The following NPAS4 variants were observed in gnomAD, a reference collection of about 807,000 sequenced individuals.
NPAS4 encodes the protein neuronal PAS domain-containing protein 4.
In NPAS4, 10 loss-of-function variants were observed where a neutral mutation model predicts 64.0. The ratio of observed to expected loss-of-function variants is 0.16; its 90% CI spans 0.10 to 0.26. The LOEUF is 0.26. Ranked by LOEUF, NPAS4 falls within the 10% of genes least tolerant of loss-of-function variation. The pLI, the probability that NPAS4 is intolerant of heterozygous loss-of-function variation, is 1.00. For missense variants in NPAS4, 886 were observed against 992.6 expected, an observed-to-expected ratio of 0.89 and a Z score of 1.44; for synonymous variants, 441 against 411.7, an observed-to-expected ratio of 1.07 and a Z score of -0.86.
rs1465581894 is a variant in NPAS4 at position 66,424,674 on chromosome 11, G to A, written c.1784G>A (p.Arg595Gln). The A allele has an allele frequency of 1.6e-5, 26 of 1,613,254 alleles. No individual in the cohort carries two copies. The highest frequency in any genetic ancestry group is 1.8e-5 in the Non-Finnish European group (21 of 1,179,494). ...ACGCTCTTGGCCCTAGCCCAGCTCC[G>A]GGGCCCCCTCTCTGTGGATGTCCCC... ...DCTLLALAQL[R>Q]GPLSVDVPLV... is the part of the protein sequence containing the mutation. The change falls in exon 7 of 8, where the codon CGG becomes CAG. Residue 595 changes from arginine to glutamine, a missense_variant. By Grantham distance (43) the Arg-to-Gln change is conservative (BLOSUM62 1). Transcript: ENST00000311034.
Position 66,424,451 on chromosome 11 carries a change from G to C in NPAS4, c.1561G>C (p.Glu521Gln). ...GCTTCCCAGCACAGCCACCTTCCCA[G>C]AGCCTCTGGGCAGCCCTGCCCATGA... ...QLLPSTATFPEPLGSPAHEQL... is the reference protein window; with the variant it reads ...QLLPSTATFPQPLGSPAHEQL... The change falls in exon 7 of 8, where the codon GAG (glutamate) becomes CAG (glutamine). Residue 521 changes from glutamate to glutamine, a missense_variant. This residue lies in a region of NPAS4 where 820 missense variants were observed against 855.5 expected (regional missense o/e 0.96). Transcript: ENST00000311034. 1.2e-6 allele frequency: 2 copies of C among 1,613,994 alleles called. No individual in the cohort carries two copies. Among genetic ancestry groups the C allele is most frequent in the Non-Finnish European group, 1.7e-6 (2 of 1,179,990 alleles).
intron 7 of NPAS4, among the ~76,000 whole-genome samples, chr11:66,425,689 G>T (rs992018825): frequency 4.6e-5 from 7 of 152,186 alleles, no homozygotes; most frequent in African/African-American, 1.7e-4. Flanking sequence ...TACAGAGCAA[G>T]AATTTATGCA....
At chr11:66,420,310 C>T (rs1355845578), upstream of NPAS4, among the ~76,000 whole-genome samples, 1 of 152,264 alleles carries the variant, frequency 6.6e-6, no homozygotes, top group Non-Finnish European at 1.5e-5. Flanking sequence ...AAAACAGGAT[C>T]AACGCCAAAT....
At chr11:66,418,101 A>C (rs1032616629), upstream of NPAS4, among the ~76,000 whole-genome samples, 1 of 152,186 alleles carries the variant, frequency 6.6e-6, no homozygotes, top group Admixed American at 6.5e-5. Context: ...CTTGCCCAGT[A>C]GGTTTGGCTG....
Position 66,424,332 on chromosome 11 carries a change from T to G in NPAS4, c.1442T>G (p.Leu481Arg). The G allele has an allele frequency of 6.2e-7, 1 of 1,614,140 alleles. No individual in the cohort carries two copies. Among genetic ancestry groups the G allele is most frequent in the Non-Finnish European group, 8.5e-7 (1 of 1,180,010 alleles). The change falls in exon 7 of 8, where the codon CTA (leucine) becomes CGA (arginine). Residue 481 changes from leucine (L) to arginine (R), a missense_variant. Leu to Arg is a moderately radical substitution (Grantham distance 102). This residue lies in a region of NPAS4 where 820 missense variants were observed against 855.5 expected (regional missense o/e 0.96). Transcript: ENST00000311034. ...AGCAGTGCAACCTTCCCAGATCCAC[T>G]AACTAGCCCACTGCAAGGCCAGTTG... Reference protein sequence around the residue: ...TPSSATFPDPLTSPLQGQLTE... With the variant: ...TPSSATFPDPRTSPLQGQLTE...
chr11:66,422,142 G>A lies in NPAS4; in HGVS notation c.198G>A (p.Thr66=), dbSNP rs751540734. 1.9e-6 allele frequency: 3 copies of A among 1,613,912 alleles called. No homozygotes were observed. The highest frequency in any genetic ancestry group is 1.7e-5 in the Admixed American group (1 of 60,018). The change falls in exon 2 of 8, where the codon ACG becomes ACA. Residue 66 remains threonine, a synonymous_variant. Coordinates refer to ENST00000311034, the MANE Select transcript of NPAS4 (RefSeq NM_178864.4). ...CAGGCACTCCTCTGGCGGGCCCCAC[G>A]GGGCTTCTCTCAGCTCAAGAGCTTG... ...FAGGTPLAGP[T]GLLSAQELED...
chr11:66,422,101 A>T lies in NPAS4; in HGVS notation c.176-19A>T. 1.2e-6 allele frequency: 2 copies of T among 1,611,544 alleles called. No homozygotes were observed. The highest frequency in any genetic ancestry group is 1.7e-6 in the Non-Finnish European group (2 of 1,178,940). ...CTCCCAGTCTTACTCCTGACGCACT[A>T]CGTCTTCTCGCCCTACAGGCACTCC... On this transcript the variant is annotated intron_variant, in intron 1 of 7. Transcript: ENST00000311034.
At chr11:66,423,288 A>T in intron 5 of NPAS4, 56 bp downstream of exon 5, 1 of 1,180,062 alleles carries the variant, frequency 8.5e-7, no homozygotes, top group Non-Finnish European at 1.2e-6. Flanking sequence ...GGCATGGGAG[A>T]CCAGACAAAG....
chr11:66,415,918 T>C, the NPAS4 span, among the ~76,000 whole-genome samples: 6 of 151,996 alleles, frequency 3.9e-5, no homozygotes, highest in South Asian at 1.2e-3. Context: ...AGGTCAGGAG[T>C]TCAAGACCAG....
chr11:66,414,259 C>T, the NPAS4 span, among the ~76,000 whole-genome samples: 2 of 152,176 alleles, frequency 1.3e-5, no homozygotes, highest in East Asian at 3.9e-4. Context: ...CCTCCTCCAG[C>T]CTCCCCAGGG....
chr11:66,422,439 TC>T lies in NPAS4; in HGVS notation c.328-10del, dbSNP rs1856759165. ...TCTCCCTAATGGTCATCTCTTCTTT[TC>T]CTCCCTCCAGGTGGACCTGGTTGCC... On this transcript the variant is annotated splice_polypyrimidine_tract_variant and intron_variant, in intron 2 of 7. Coordinates refer to ENST00000311034, the MANE Select transcript of NPAS4 (RefSeq NM_178864.4). 6.3e-7 allele frequency: 1 copy of T among 1,598,688 alleles called. No individual in the cohort carries two copies. The highest frequency in any genetic ancestry group is 1.3e-5 in the African/African-American group (1 of 74,586).
At chr11:66,418,089 C>T (rs530629701), upstream of NPAS4, among the ~76,000 whole-genome samples, 224 of 152,300 alleles carry the variant, frequency 1.5e-3, no homozygotes, top group Non-Finnish European at 2.6e-3. Flanking sequence ...GGATGCTGCA[C>T]GCTTGCCCAG....
chr11:66,414,554 T>G, the NPAS4 span, among the ~76,000 whole-genome samples: 1 of 152,318 alleles, frequency 6.6e-6, no homozygotes, highest in East Asian at 1.9e-4. Flanking sequence ...GGTGCCAGCC[T>G]GCACCCTCTT....
In NPAS4 at chr11:66,422,490, A is replaced by G. The variant is rs1321426946; in HGVS notation, c.367A>G (p.Ile123Val). 5.0e-6 allele frequency: 8 copies of G among 1,614,054 alleles called. No homozygotes were observed. The highest frequency in any genetic ancestry group is 2.2e-5 in the East Asian group (1 of 44,862). ...VAQGDSIYDI[I>V]DPADHLTVRQ... ...CCAGGGTGACAGCATCTACGACATC[A>G]TTGACCCAGCTGACCACCTCACTGT... The change falls in exon 3 of 8, where the codon ATT becomes GTT. Residue 123 changes from isoleucine (I) to valine (V), a missense_variant. This residue lies in a region of NPAS4 where 820 missense variants were observed against 855.5 expected (regional missense o/e 0.96). Coordinates refer to ENST00000311034, the MANE Select transcript of NPAS4 (RefSeq NM_178864.4).
rs1295375355 is a variant in NPAS4 at position 66,423,125 on chromosome 11, T to C, written c.701T>C (p.Val234Ala). Residue 234 changes from valine to alanine, a missense_variant and splice_region_variant, in exon 5 of 8, where the codon GTC (valine) becomes GCC (alanine). Val to Ala is a moderately conservative substitution (Grantham distance 64). Transcript: ENST00000311034. ...DLALLDISESVLIYLGFERSE... is the reference protein window; with the variant it reads ...DLALLDISESALIYLGFERSE... Reference sequence around the variant, plus strand: ...CCTCACCCTTTCCACCTTCCCAGTGTCCTAATCTACCTGGGCTTTGAGCGC... The same window carrying C: ...CCTCACCCTTTCCACCTTCCCAGTGCCCTAATCTACCTGGGCTTTGAGCGC... The C allele has an allele frequency of 6.2e-7, 1 of 1,601,098 alleles. No individual in the cohort carries two copies. Among genetic ancestry groups the C allele is most frequent in the African/African-American group, 1.3e-5 (1 of 74,732 alleles).
chr11:66,412,031 G>A, the NPAS4 span, among the ~76,000 whole-genome samples: 5 of 152,218 alleles, frequency 3.3e-5, no homozygotes, highest in Non-Finnish European at 7.3e-5. Flanking sequence ...GTTACGAGCT[G>A]TGCCCTGATA....
At chr11:66,412,495 C>T in the NPAS4 span, among the ~76,000 whole-genome samples, 6 of 152,262 alleles carry the variant, frequency 3.9e-5, no homozygotes, top group Non-Finnish European at 1.5e-5. Context: ...AGGACATGTG[C>T]TGCCTCCTGA....
In NPAS4 at chr11:66,424,889, C is replaced by A; in HGVS notation, c.1999C>A (p.Pro667Thr). 1.9e-6 allele frequency: 3 copies of A among 1,613,140 alleles called. No individual in the cohort carries two copies. The highest frequency in any genetic ancestry group is 2.2e-5 in the South Asian group (2 of 90,974). Reference sequence around the variant, plus strand: ...ACTAGAGCCACTTGGAGGACTGGAGCCCCTGGACTCCAACCTGTCCCTGTC... The same window carrying A: ...ACTAGAGCCACTTGGAGGACTGGAGACCCTGGACTCCAACCTGTCCCTGTC... ...GGLEPLGGLE[P>T]LDSNLSLSGA... The change falls in exon 7 of 8, where the codon CCC (proline) becomes ACC (threonine). Residue 667 changes from proline (P) to threonine (T), a missense_variant. Transcript: ENST00000311034.
rs777658497 is a variant in NPAS4, at chr11:66,425,177, G to A, written c.2287G>A (p.Ala763Thr). Residue 763 changes from alanine to threonine, a missense_variant, in exon 7 of 8, where the codon GCC becomes ACC. Physicochemically the swap from Ala to Thr is moderately conservative, Grantham distance 58. Transcript: ENST00000311034. ...FLEDLATYET[A>T]FETGVSAFPY... ...GGAGGACCTGGCCACATATGAAACC[G>A]CCTTTGAGACAGGTGTCTCAGCATT... The A allele has an allele frequency of 8.2e-6, 13 of 1,590,724 alleles. No individual in the cohort carries two copies. Among genetic ancestry groups the A allele is most frequent in the Non-Finnish European group, 1.1e-5 (13 of 1,172,194 alleles).
Sources: allele counts gnomAD v4.1 joint callset (sites outside exome capture counted in the v4.1 genomes callset), GRCh38; gene constraint gnomAD v4.1.1; regional missense constraint gnomAD v4.1.1; transcripts MANE v1.5; gene names NCBI Gene and HGNC (gene_info 2026-07-23, HGNC 2026-07-21).